SORCS3: variants seen among roughly 807,000 people sequenced by gnomAD.
SORCS3 encodes the protein sortilin related VPS10 domain containing receptor 3.
In SORCS3, 57 loss-of-function variants were observed where a neutral mutation model predicts 146.3. That is an observed-to-expected ratio of 0.39 (90% CI 0.31 to 0.49). The LOEUF is 0.49. Ranked by LOEUF, SORCS3 falls within the 20% of genes least tolerant of loss-of-function variation. The pLI is 0.92. For missense variants in SORCS3, 1,341 were observed against 1,575.5 expected (o/e 0.85, Z 2.52); for synonymous variants, 653 against 618.5 (o/e 1.06, Z -0.83).
chr10:104,988,239 T>C (rs2054973648), intron 4 of SORCS3, among the ~76,000 whole-genome samples: 1 of 152,266 alleles, frequency 6.6e-6, no homozygotes, highest in South Asian at 2.1e-4. Context: ...AGGTGGGCTT[T>C]CCCTTGCCTT....
intron 2 of SORCS3, among the ~76,000 whole-genome samples, chr10:104,880,912 G>A (rs1299302852): frequency 6.6e-6 from 1 of 152,154 alleles, no homozygotes; most frequent in Non-Finnish European, 1.5e-5. Context: ...TTGTCACTCT[G>A]TATCCAGGGG....
At chr10:105,077,557 CACACACACAG>C (rs372094277) in intron 5 of SORCS3, among the ~76,000 whole-genome samples, 18,444 of 136,948 alleles carry the variant, frequency 0.13, 1,539 homozygotes, top group Non-Finnish European at 0.17. Flanking sequence ...CACACACACA[CACACACACAG>C]AGGGATGGTA....
chr10:104,883,754 A>G (rs1430934577), intron 2 of SORCS3, among the ~76,000 whole-genome samples: 2 of 152,128 alleles, frequency 1.3e-5, no homozygotes, highest in African/African-American at 4.8e-5. Flanking sequence ...AAGTATTAGG[A>G]AGCCAGGCTG....
intron 1 of SORCS3, among the ~76,000 whole-genome samples, chr10:104,766,666 T>C (rs2017183557): frequency 6.6e-6 from 1 of 152,210 alleles, no homozygotes; most frequent in Non-Finnish European, 1.5e-5. Context: ...ACATTGACTT[T>C]CTGTTGCTGC....
chr10:105,097,339 A>G (rs777648115), intron 6 of SORCS3, among the ~76,000 whole-genome samples: 6 of 152,156 alleles, frequency 3.9e-5, no homozygotes, highest in Non-Finnish European at 7.3e-5. Flanking sequence ...GAATAATCCT[A>G]TTTCTGTCAT....
chr10:104,700,360 A>G (rs1403541284), intron 1 of SORCS3, among the ~76,000 whole-genome samples: 2 of 152,190 alleles, frequency 1.3e-5, no homozygotes, highest in Non-Finnish European at 2.9e-5. Flanking sequence ...TCTGTTTCCA[A>G]TGCTGCTTTC....
chr10:105,232,034 G>A (rs1456456644), intron 20 of SORCS3, among the ~76,000 whole-genome samples: 1 of 152,020 alleles, frequency 6.6e-6, no homozygotes, highest in Non-Finnish European at 1.5e-5. Flanking sequence ...GTTGATGGTT[G>A]ATTTTGGTAT....
At position 104,887,971 on chromosome 10, in the gene SORCS3, G is replaced by GGGGGGC. The variant is rs145157471; in HGVS notation, c.696-27861_696-27860insGGGGCG. 1.6e-3 allele frequency among the ~76,000 whole-genome samples: 135 copies of GGGGGGC among 83,056 alleles called. 7 individuals carry two copies. The highest frequency in any genetic ancestry group is 2.1e-3 in the Admixed American group (21 of 9,808). 54.5% of individuals were successfully genotyped at this position (83,056 alleles called of 152,430 possible). A position where few individuals can be genotyped will look rare whatever the true frequency, so the allele number is the denominator to read the frequency against. ...AACATGGTGGGGGCGGGGGGGCGGG[G>GGGGGGC]GCGGAGCAAGCCCATGAAGACAGCA... On this transcript the variant is annotated intron_variant, in intron 2 of 26. Transcript: ENST00000369701.
rs61434522 is a variant in SORCS3 at position 104,752,895 on chromosome 10, C to A, written c.628-89897C>A. ...TTTTTATCGTTGGTTATTCAACAAC[C>A]TTGGAAAGGGTTTGTTGGAATTCAT... On this transcript the variant is annotated intron_variant, in intron 1 of 26. Transcript: ENST00000369701. 1.6e-3 allele frequency among the ~76,000 whole-genome samples: 244 copies of A among 152,154 alleles called. 1 individual carries two copies. The highest frequency in any genetic ancestry group is 5.7e-3 in the African/African-American group (235 of 41,500).
At chr10:104,821,091 T>C (rs188364794) in intron 1 of SORCS3, among the ~76,000 whole-genome samples, 57 of 152,354 alleles carry the variant, frequency 3.7e-4, no homozygotes, top group African/African-American at 1.2e-3. Flanking sequence ...TTAGTATTTG[T>C]ACTCCGGCTT....
At chr10:105,058,236 A>G (rs1477895042) in intron 5 of SORCS3, among the ~76,000 whole-genome samples, 1 of 152,172 alleles carries the variant, frequency 6.6e-6, no homozygotes, top group African/African-American at 2.4e-5. Flanking sequence ...TGATCTATAA[A>G]AGGCACCACA....
In SORCS3 at chr10:105,127,683, G is replaced by A. The variant is rs576231219; in HGVS notation, c.1213-11714G>A. Among the ~76,000 whole-genome samples, 3 of 152,222 alleles carry A rather than the reference G, an allele frequency of 2.0e-5. No homozygotes were observed. The South Asian group carries it at 6.2e-4, about 32-fold the overall frequency. On this transcript the variant is annotated intron_variant, in intron 7 of 26. Coordinates refer to ENST00000369701, the MANE Select transcript of SORCS3 (RefSeq NM_014978.3). ...ATTATCTACCCTCAAAGATATTACAGTACAGCAAGAGACCCCAAAAGGACC... is the reference window on the plus strand; with the variant it reads ...ATTATCTACCCTCAAAGATATTACAATACAGCAAGAGACCCCAAAAGGACC...
intron 1 of SORCS3, among the ~76,000 whole-genome samples, chr10:104,695,193 C>A (rs1437749311): frequency 6.6e-6 from 1 of 152,076 alleles, no homozygotes; most frequent in Non-Finnish European, 1.5e-5. Context: ...GAAGGAGAAT[C>A]TTCCCAGAGA....
At chr10:104,776,530 A>T (rs2017309953) in intron 1 of SORCS3, among the ~76,000 whole-genome samples, 1 of 152,004 alleles carries the variant, frequency 6.6e-6, no homozygotes, top group South Asian at 2.1e-4. Context: ...TTCAGGTCAC[A>T]CTCTGCTAGT....
intron 5 of SORCS3, among the ~76,000 whole-genome samples, chr10:105,087,568 T>G (rs2055671877): frequency 6.6e-6 from 1 of 151,958 alleles, no homozygotes; most frequent in Non-Finnish European, 1.5e-5. Context: ...GTACCCTCAG[T>G]CCTCTGCGTG....
At chr10:104,821,845 T>G (rs2017876402) in intron 1 of SORCS3, among the ~76,000 whole-genome samples, 1 of 152,134 alleles carries the variant, frequency 6.6e-6, no homozygotes. Flanking sequence ...CTGTCCCCCA[T>G]TATGCTGAGA....
At chr10:105,169,731 G>C (rs143883523) in intron 13 of SORCS3, among the ~76,000 whole-genome samples, 1 of 152,252 alleles carries the variant, frequency 6.6e-6, no homozygotes, top group Admixed American at 6.5e-5. Context: ...GTAGAGGAAA[G>C]AGCTATCTCT....
At chr10:105,244,733 T>C (rs1017811344) in intron 20 of SORCS3, among the ~76,000 whole-genome samples, 1 of 152,090 alleles carries the variant, frequency 6.6e-6, no homozygotes, top group Admixed American at 6.6e-5. Context: ...AAGTCAGTAA[T>C]CTGATGGTGC....
intron 20 of SORCS3, among the ~76,000 whole-genome samples, chr10:105,244,340 T>G: frequency 6.6e-6 from 1 of 152,178 alleles, no homozygotes; most frequent in African/African-American, 2.4e-5. Context: ...ACAGGTCCAC[T>G]TATATGTGGG....
Sources: allele counts gnomAD v4.1 joint callset (sites outside exome capture counted in the v4.1 genomes callset), GRCh38; gene constraint gnomAD v4.1.1; transcripts MANE v1.5; gene names NCBI Gene and HGNC (gene_info 2026-07-23, HGNC 2026-07-21).